RHBDD1: variants seen among roughly 807,000 people sequenced by gnomAD.
RHBDD1 encodes rhomboid-related protein 4.
In RHBDD1, 38 loss-of-function variants were observed where a neutral mutation model predicts 36.3. That is an observed-to-expected ratio of 1.05 (90% CI 0.81 to 1.37). RHBDD1 has a LOEUF of 1.37. RHBDD1 is among the 40% of genes most tolerant of loss of function. RHBDD1 has a pLI of 0.00. For missense variants in RHBDD1, 393 were observed against 377.6 expected, an observed-to-expected ratio of 1.04 and a Z score of -0.34; for synonymous variants, 151 against 136.5, an observed-to-expected ratio of 1.11 and a Z score of -0.74.
chr2:226,905,225 G>A (rs1947951465), intron 5 of RHBDD1, among the ~76,000 whole-genome samples: 1 of 151,972 alleles, frequency 6.6e-6, no homozygotes, highest in Non-Finnish European at 1.5e-5. Context: ...CTGCCCTCAG[G>A]GAGTTTGTGT....
At chr2:226,898,348 C>T (rs1366848165) in intron 5 of RHBDD1, among the ~76,000 whole-genome samples, 1 of 152,200 alleles carries the variant, frequency 6.6e-6, no homozygotes, top group African/African-American at 2.4e-5. Context: ...TATTGCAATA[C>T]CCTTGTTTTT....
chr2:226,820,535 C>T, the RHBDD1 span, among the ~76,000 whole-genome samples: 13 of 149,574 alleles, frequency 8.7e-5, no homozygotes, highest in African/African-American at 3.2e-4. Flanking sequence ...AGGCCAGGTG[C>T]AGTGGCTCAT....
rs4129885 is a variant in RHBDD1, at chr2:226,956,363, G to A, written c.857-39068G>A. On this transcript the variant is annotated intron_variant, in intron 8 of 8. Coordinates refer to ENST00000392062, the MANE Select transcript of RHBDD1 (RefSeq NM_001167608.3). ...CTGGCCTCTCCAGACACGTCCCCCC[G>A]GCCCTTGTGTCTTTAGTAATAGCTG... Among the ~76,000 whole-genome samples the A allele has an allele frequency of 2.9e-3, 445 of 152,170 alleles. 9 individuals are homozygous for A. The highest frequency in any genetic ancestry group is 0.024 in the Admixed American group (363 of 15,298).
upstream of RHBDD1, among the ~76,000 whole-genome samples, chr2:226,832,910 C>A (rs1011840725): frequency 6.6e-6 from 1 of 152,068 alleles, no homozygotes; most frequent in African/African-American, 2.4e-5. Context: ...ACTTGGGAAG[C>A]TGAGGCAGGA....
At chr2:226,884,540 A>C (rs1363147080) in intron 5 of RHBDD1, among the ~76,000 whole-genome samples, 1 of 152,174 alleles carries the variant, frequency 6.6e-6, no homozygotes, top group Non-Finnish European at 1.5e-5. Context: ...TTTATAACAC[A>C]TGGGTCAAAT....
chr2:226,889,567 A>G (rs1055653286), intron 5 of RHBDD1, among the ~76,000 whole-genome samples: 1 of 152,246 alleles, frequency 6.6e-6, no homozygotes, highest in African/African-American at 2.4e-5. Context: ...GTTGAGGAAT[A>G]CAAATTAGAA....
chr2:226,924,542 C>G (rs972618787), intron 8 of RHBDD1, among the ~76,000 whole-genome samples: 3 of 152,182 alleles, frequency 2.0e-5, no homozygotes, highest in African/African-American at 7.2e-5. Flanking sequence ...GAAGGCATGT[C>G]CCCCAGGTCC....
intron 3 of RHBDD1, among the ~76,000 whole-genome samples, chr2:226,856,604 G>T (rs73083690): frequency 6.6e-6 from 1 of 152,118 alleles, no homozygotes; most frequent in African/African-American, 2.4e-5. Flanking sequence ...ATTCCTGAGA[G>T]AGTTACAGGG....
At chr2:226,975,706 T>C (rs557976014) in intron 8 of RHBDD1, among the ~76,000 whole-genome samples, 5 of 152,356 alleles carry the variant, frequency 3.3e-5, no homozygotes, top group Admixed American at 1.3e-4. Context: ...CTTGGAATTT[T>C]CGACAATGAT....
At chr2:226,993,369 A>G (rs775375323) in intron 8 of RHBDD1, among the ~76,000 whole-genome samples, 18 of 152,204 alleles carry the variant, frequency 1.2e-4, no homozygotes, top group Non-Finnish European at 2.4e-4. Flanking sequence ...CAGAGTTCCC[A>G]GGCCATCTGG....
chr2:226,835,650 G>A (rs950566615), upstream of RHBDD1: 1 of 152,418 alleles, frequency 6.6e-6, no homozygotes. Context: ...AACCTGGGCA[G>A]AGGCGTCCGT....
chr2:226,995,423 CACT>C lies in RHBDD1; in HGVS notation c.857-5_857-3del. 6.3e-7 allele frequency: 1 copy of C among 1,584,746 alleles called. No homozygotes were observed. The highest frequency in any genetic ancestry group is 8.7e-7 in the Non-Finnish European group (1 of 1,154,182). ...TGATTGATTTTTCCTTTGGCTTTCT[CACT>C]ACAGGAAATACCAGAAATAGCCCAC... is the stretch of plus-strand genomic sequence containing the variant. On this transcript the variant is annotated splice_polypyrimidine_tract_variant and splice_region_variant and intron_variant, in intron 8 of 8. Coordinates refer to ENST00000392062, the MANE Select transcript of RHBDD1 (RefSeq NM_001167608.3).
chr2:226,887,421 A>C (rs1946319835), intron 5 of RHBDD1, among the ~76,000 whole-genome samples: 1 of 152,230 alleles, frequency 6.6e-6, no homozygotes, highest in South Asian at 2.1e-4. Context: ...TTGAGGGAGA[A>C]TTCCTCAGTG....
At chr2:226,947,812 A>C (rs914656160) in intron 8 of RHBDD1, among the ~76,000 whole-genome samples, 32 of 152,212 alleles carry the variant, frequency 2.1e-4, no homozygotes, top group Non-Finnish European at 3.7e-4. Flanking sequence ...AAACACATGA[A>C]AAAATGCTCA....
chr2:226,946,946 A>G (rs1486061951), intron 8 of RHBDD1, among the ~76,000 whole-genome samples: 1 of 152,226 alleles, frequency 6.6e-6, no homozygotes, highest in African/African-American at 2.4e-5. Context: ...AATTCATCAC[A>G]TAAACAGAAC....
chr2:226,857,468 A>G, intron 3 of RHBDD1, among the ~76,000 whole-genome samples: 1 of 152,208 alleles, frequency 6.6e-6, no homozygotes, highest in East Asian at 1.9e-4. Flanking sequence ...ACATGTTCAT[A>G]AAAATTGTAC....
intron 8 of RHBDD1, among the ~76,000 whole-genome samples, chr2:226,922,876 G>A (rs1320065949): frequency 6.6e-6 from 1 of 150,522 alleles, no homozygotes; most frequent in Non-Finnish European, 1.5e-5. Context: ...AAACAAACAA[G>A]CAAGCAAGCA....
intron 4 of RHBDD1, 106 bp downstream of exon 4, chr2:226,865,232 G>A: frequency 1.2e-6 from 1 of 863,956 alleles, no homozygotes; most frequent in Non-Finnish European, 1.8e-6. Flanking sequence ...GAGTGGTTAA[G>A]GGCTGCTGAG....
At chr2:226,871,941 T>C (rs745748949) in intron 5 of RHBDD1, among the ~76,000 whole-genome samples, 1 of 152,234 alleles carries the variant, frequency 6.6e-6, no homozygotes, top group Non-Finnish European at 1.5e-5. Flanking sequence ...AGGTGACACT[T>C]GGACATCATG....
Sources: allele counts gnomAD v4.1 joint callset (sites outside exome capture counted in the v4.1 genomes callset), GRCh38; gene constraint gnomAD v4.1.1; transcripts MANE v1.5; gene names NCBI Gene and HGNC (gene_info 2026-07-23, HGNC 2026-07-21).